The following ASAP1 variants were observed in gnomAD, a reference collection of about 807,000 sequenced individuals.
ASAP1 encodes ArfGAP with SH3 domain, ankyrin repeat and PH domain 1.
Under a neutral mutation model 145.2 loss-of-function variants are expected in ASAP1, and 43 were observed. That is an observed-to-expected ratio of 0.30 (90% CI 0.23 to 0.38). The LOEUF (loss-of-function observed/expected upper bound fraction) is 0.38, where lower values mean the gene tolerates loss of function less well. Ranked by LOEUF, ASAP1 falls within the 10% of genes least tolerant of loss-of-function variation. ASAP1 has a pLI of 1.00. For synonymous variants in ASAP1, 546 were observed against 515.5 expected, an observed-to-expected ratio of 1.06 and a Z score of -0.80; for missense variants, 1,018 against 1,355.3, an observed-to-expected ratio of 0.75 and a Z score of 3.91.
intron 3 of ASAP1, among the ~76,000 whole-genome samples, chr8:130,288,290 T>C (rs939751847): frequency 5.9e-5 from 9 of 151,646 alleles, no homozygotes; most frequent in African/African-American, 2.2e-4. Flanking sequence ...GCACCATTCC[T>C]CAATTTGGGT....
intron 19 of ASAP1, 48 bp downstream of exon 19, chr8:130,118,441 C>T: frequency 6.4e-7 from 1 of 1,554,988 alleles, no homozygotes; most frequent in Non-Finnish European, 8.7e-7. Context: ...ACCTTTTAAA[C>T]TGATTTTCCA....
At chr8:130,171,505 T>A (rs1299637311) in intron 9 of ASAP1, among the ~76,000 whole-genome samples, 1 of 152,146 alleles carries the variant, frequency 6.6e-6, no homozygotes, top group Non-Finnish European at 1.5e-5. Flanking sequence ...ACTCACTCAT[T>A]ATCAAGAGAA....
intron 25 of ASAP1, among the ~76,000 whole-genome samples, chr8:130,082,416 G>A (rs528372444): frequency 6.6e-6 from 1 of 150,832 alleles, no homozygotes; most frequent in Admixed American, 6.6e-5. Context: ...TGCCCAGGCT[G>A]GTCTTGGACT....
chr8:130,062,190 C>G (rs534630869), intron 27 of ASAP1, among the ~76,000 whole-genome samples: 1 of 152,290 alleles, frequency 6.6e-6, no homozygotes, highest in South Asian at 2.1e-4. Flanking sequence ...GCACAAGGGC[C>G]AAGGACATAG....
intron 3 of ASAP1, among the ~76,000 whole-genome samples, chr8:130,278,858 T>A (rs767603330): frequency 2.0e-5 from 3 of 152,216 alleles, no homozygotes; most frequent in Non-Finnish European, 4.4e-5. Flanking sequence ...TTTTACCTCT[T>A]ACTTTTAAGT....
intron 3 of ASAP1, among the ~76,000 whole-genome samples, chr8:130,334,412 G>A (rs79903422): frequency 6.6e-6 from 1 of 152,196 alleles, no homozygotes; most frequent in Non-Finnish European, 1.5e-5. Context: ...AGTTCTACTT[G>A]TGTTTCACAT....
intron 3 of ASAP1, among the ~76,000 whole-genome samples, chr8:130,294,958 G>T (rs1022572612): frequency 6.6e-6 from 1 of 152,162 alleles, no homozygotes; most frequent in Non-Finnish European, 1.5e-5. Flanking sequence ...GATTAACAGC[G>T]AGAGGAATAA....
chr8:130,311,941 G>A (rs56349599), intron 3 of ASAP1, among the ~76,000 whole-genome samples: 3,959 of 152,036 alleles, frequency 0.026, 62 homozygotes, highest in Middle Eastern at 0.044. Context: ...TTTATTAATT[G>A]TACTCCTTCT....
At chr8:130,063,679 C>T (rs1306960407) in intron 27 of ASAP1, among the ~76,000 whole-genome samples, 6 of 152,178 alleles carry the variant, frequency 3.9e-5, no homozygotes, top group Non-Finnish European at 7.3e-5. Context: ...TCCAAGATAC[C>T]GAGGGAGGCC....
chr8:130,416,182 C>T (rs1017326445), intron 1 of ASAP1, among the ~76,000 whole-genome samples: 2 of 152,116 alleles, frequency 1.3e-5, no homozygotes, highest in East Asian at 1.9e-4. Flanking sequence ...CCACTAGTGT[C>T]GCCAACTCCG....
chr8:130,430,127 A>G (rs1476927104), intron 1 of ASAP1, among the ~76,000 whole-genome samples: 1 of 152,154 alleles, frequency 6.6e-6, no homozygotes, highest in Non-Finnish European at 1.5e-5. Context: ...CTCAAAGACA[A>G]CTCAAAAAAG....
intron 15 of ASAP1, among the ~76,000 whole-genome samples, chr8:130,132,606 C>G (rs1056970319): frequency 1.3e-5 from 2 of 152,166 alleles, no homozygotes; most frequent in Admixed American, 6.5e-5. Context: ...CACATGGCCT[C>G]CTCTGTCCTT....
chr8:130,127,860 A>G, intron 16 of ASAP1, 67 bp downstream of exon 16: 1 of 1,553,876 alleles, frequency 6.4e-7, no homozygotes, highest in Non-Finnish European at 8.7e-7. Context: ...CAATAACTAG[A>G]TCGTTTTATA....
At chr8:130,307,194 TTC>T (rs1823047405) in intron 3 of ASAP1, among the ~76,000 whole-genome samples, 1 of 152,214 alleles carries the variant, frequency 6.6e-6, no homozygotes, top group African/African-American at 2.4e-5. Context: ...AAGAAGGGAA[TTC>T]TGTCTGTGCT....
intron 3 of ASAP1, among the ~76,000 whole-genome samples, chr8:130,357,073 T>C (rs1826358724): frequency 6.6e-6 from 1 of 152,128 alleles, no homozygotes; most frequent in Non-Finnish European, 1.5e-5. Flanking sequence ...CCTGGGCAAA[T>C]ATCCTATTTT....
intron 3 of ASAP1, among the ~76,000 whole-genome samples, chr8:130,313,662 A>G (rs1404297570): frequency 6.6e-6 from 1 of 152,236 alleles, no homozygotes; most frequent in Non-Finnish European, 1.5e-5. Flanking sequence ...TACAGAAAAT[A>G]AAAAATAAAA....
Position 130,084,905 on chromosome 8 carries a change from A to T in ASAP1, c.2573-4934T>A, listed in dbSNP as rs927913094. 3.9e-5 allele frequency: 6 copies of T among 152,348 alleles called. No individual in the cohort carries two copies. In the South Asian group the frequency reaches 1.0e-3, roughly 26 times the overall value. The allele number at this position is 152,348 out of a possible 1,614,324, so 9.4% of individuals were successfully genotyped here. A position where few individuals can be genotyped will look rare whatever the true frequency, so the allele number is the denominator to read the frequency against. On this transcript the variant is annotated intron_variant, in intron 25 of 29. Transcript: ENST00000518721. ...CCCAGGCCTGAAATATAAGCAGTAA[A>T]CCAATTTTTGGTATAGTTTTTCATC...
intron 2 of ASAP1, among the ~76,000 whole-genome samples, chr8:130,395,865 T>C (rs972493866): frequency 3.3e-5 from 5 of 152,070 alleles, no homozygotes; most frequent in African/African-American, 1.2e-4. Context: ...GGGGTTTCAC[T>C]ATGTTAGCTA....
chr8:130,339,436 C>T (rs146615049), intron 3 of ASAP1, among the ~76,000 whole-genome samples: 58 of 152,144 alleles, frequency 3.8e-4, no homozygotes, highest in African/African-American at 1.4e-3. Flanking sequence ...TTGAGTACAT[C>T]GATGCGGTCA....
Sources: gnomAD v4.1 joint callset for allele counts (sites outside exome capture counted in the v4.1 genomes callset) on GRCh38, gnomAD v4.1.1 for gene constraint, MANE v1.5 for transcripts, NCBI Gene and HGNC (gene_info 2026-07-23, HGNC 2026-07-21) for gene names.